TBC1D9: variants seen among roughly 807,000 people sequenced by gnomAD.
The protein encoded by TBC1D9 is TBC1 domain family member 9A.
In TBC1D9, 63 loss-of-function variants were observed where a neutral mutation model predicts 132.0. The ratio of observed to expected loss-of-function variants is 0.48; its 90% confidence interval spans 0.39 to 0.59. The LOEUF (loss-of-function observed/expected upper bound fraction) is 0.59, where lower values mean the gene tolerates loss of function less well. TBC1D9 is among the 20% of genes least tolerant of loss of function. The probability of loss-of-function intolerance (pLI) is 0.00; values close to 1 mark genes in which losing one functional copy is unlikely to be tolerated. For missense variants in TBC1D9, 1,261 were observed against 1,592.7 expected, an observed-to-expected ratio of 0.79 and a Z score of 3.54; for synonymous variants, 610 against 609.9, an observed-to-expected ratio of 1.00 and a Z score of 0.00.
At chr4:140,652,981 T>C (rs1737209966) in intron 13 of TBC1D9, among the ~76,000 whole-genome samples, 1 of 152,182 alleles carries the variant, frequency 6.6e-6, no homozygotes, top group Admixed American at 6.5e-5. Flanking sequence ...CATCCTCTTG[T>C]GCCTTCCAGG....
chr4:140,624,230 A>G lies in TBC1D9; in HGVS notation c.2975-11T>C, dbSNP rs1033200303. ...AATTTGCTCTCTTCCCTACAACCCA[A>G]ATGTCAAGAAATAAGTGCTTACAGG... On this transcript the variant is annotated splice_polypyrimidine_tract_variant and intron_variant, in intron 19 of 20. Coordinates refer to ENST00000442267, the MANE Select transcript of TBC1D9 (RefSeq NM_015130.3). The G allele has an allele frequency of 1.7e-5, 28 of 1,611,138 alleles. No individual in the cohort carries two copies. Among genetic ancestry groups the G allele is most frequent in the Non-Finnish European group, 2.4e-5 (28 of 1,178,328 alleles).
chr4:140,702,645 CA>C (rs1320730983), intron 1 of TBC1D9, among the ~76,000 whole-genome samples: 3 of 152,188 alleles, frequency 2.0e-5, no homozygotes, highest in African/African-American at 2.4e-5. Context: ...AACCTGTCAT[CA>C]GTGCAAATTT....
At chr4:140,695,822 T>C (rs1265997338) in intron 2 of TBC1D9, among the ~76,000 whole-genome samples, 1 of 152,120 alleles carries the variant, frequency 6.6e-6, no homozygotes, top group Non-Finnish European at 1.5e-5. Flanking sequence ...GTACCTATTT[T>C]TACTCCAATG....
chr4:140,643,051 CCTT>C (rs1222965799), intron 13 of TBC1D9: 1 of 1,230,162 alleles, frequency 8.1e-7, no homozygotes, highest in African/African-American at 1.5e-5. Flanking sequence ...ATCCGCTCCT[CCTT>C]CTTGCGCATC....
At chr4:140,711,607 T>C (rs1738244963) in intron 1 of TBC1D9, among the ~76,000 whole-genome samples, 1 of 152,220 alleles carries the variant, frequency 6.6e-6, no homozygotes, top group Admixed American at 6.5e-5. Flanking sequence ...TAATATGAAA[T>C]AGAAATAATT....
rs574288234 is a variant in TBC1D9, at chr4:140,731,503, C to A, written c.130+24413G>T. On this transcript the variant is annotated intron_variant, in intron 1 of 20. Transcript: ENST00000442267. ...GGCCAGGAGTTCGAGACCAGCGTGG[C>A]CAACATAGTGAAAACCTGTCTCTAT... Among the ~76,000 whole-genome samples the A allele has an allele frequency of 2.4e-4, 37 of 152,028 alleles. No individual in the cohort carries two copies. The South Asian group carries it at 2.9e-3, about 12-fold the overall frequency.
chr4:140,743,043 G>A (rs1738785543), intron 1 of TBC1D9, among the ~76,000 whole-genome samples: 1 of 152,044 alleles, frequency 6.6e-6, no homozygotes, highest in Non-Finnish European at 1.5e-5. Context: ...AAGGAGGAAA[G>A]GAAGGAGGGA....
At chr4:140,649,630 C>G (rs77435047) in intron 13 of TBC1D9, among the ~76,000 whole-genome samples, 1 of 152,194 alleles carries the variant, frequency 6.6e-6, no homozygotes, top group African/African-American at 2.4e-5. Flanking sequence ...GAAGGAGCAG[C>G]CCCACACACT....
intron 15 of TBC1D9, 72 bp from the exon 16 acceptor site, chr4:140,634,260 A>T: frequency 6.4e-7 from 1 of 1,565,604 alleles, no homozygotes; most frequent in Non-Finnish European, 8.6e-7. Flanking sequence ...CCCATCCTCC[A>T]GTTTGGAAAG....
chr4:140,631,590 T>G (rs1222618619), intron 16 of TBC1D9, among the ~76,000 whole-genome samples: 1 of 133,238 alleles, frequency 7.5e-6, no homozygotes, highest in Non-Finnish European at 1.6e-5. Context: ...AGAATTCATT[T>G]TTTAGTTTTT....
In TBC1D9 at chr4:140,701,550, G is replaced by A; in HGVS notation, c.195C>T (p.Ile65=). Residue 65 remains isoleucine, a synonymous_variant, in exon 2 of 21, where the codon ATC becomes ATT. Transcript: ENST00000442267. ...DSSARVAPYR[I]LYQTPDSLVY... Reference sequence around the variant, plus strand: ...CCAGGGAGTCTGGAGTCTGGTACAAGATTCGGTAAGGAGCGACCCGGGCGC... The same window carrying A: ...CCAGGGAGTCTGGAGTCTGGTACAAAATTCGGTAAGGAGCGACCCGGGCGC... The A allele has an allele frequency of 6.2e-7, 1 of 1,613,982 alleles. No homozygotes were observed. The highest frequency in any genetic ancestry group is 1.1e-5 in the South Asian group (1 of 91,080).
chr4:140,664,928 G>A (rs532018952), intron 9 of TBC1D9, among the ~76,000 whole-genome samples: 1 of 152,120 alleles, frequency 6.6e-6, no homozygotes, highest in South Asian at 2.1e-4. Context: ...TGAACATGGT[G>A]AAACCCCGTG....
chr4:140,623,875 C>T (rs903353407), intron 20 of TBC1D9, among the ~76,000 whole-genome samples: 4 of 152,134 alleles, frequency 2.6e-5, no homozygotes, highest in Admixed American at 6.5e-5. Flanking sequence ...CAATAAGATG[C>T]ATTTACTCTC....
At chr4:140,639,815 T>G (rs11939165) in intron 13 of TBC1D9, among the ~76,000 whole-genome samples, 100,906 of 152,050 alleles carry the variant, frequency 0.66, 33,733 homozygotes, top group African/African-American at 0.74. Context: ...CCTGTGTGAG[T>G]CTCCCTGCTC....
Position 140,622,262 on chromosome 4 carries a change from T to C in TBC1D9, c.3734A>G (p.Asn1245Ser). The C allele has an allele frequency of 6.2e-7, 1 of 1,607,372 alleles. No individual in the cohort carries two copies. The highest frequency in any genetic ancestry group is 8.5e-7 in the Non-Finnish European group (1 of 1,174,356). The change falls in exon 21 of 21, where the codon AAC (asparagine) becomes AGC (serine). Residue 1245 changes from asparagine to serine, a missense_variant. Asn to Ser is a conservative substitution (Grantham distance 46, BLOSUM62 1). Coordinates refer to ENST00000442267, the MANE Select transcript of TBC1D9 (RefSeq NM_015130.3). ...GAGGGGCTTGCCCATCATCCGGATG[T>C]TTTTTGCACTGGTAATCCTGGCCAT... ...CMMARITSAK[N>S]IRMMGKPLTS...
chr4:140,740,061 A>T, intron 1 of TBC1D9, among the ~76,000 whole-genome samples: 1 of 152,156 alleles, frequency 6.6e-6, no homozygotes, highest in Non-Finnish European at 1.5e-5. Context: ...TTCTGACATC[A>T]CCTCATGGAA....
chr4:140,703,598 TA>T (rs752177380), intron 1 of TBC1D9, among the ~76,000 whole-genome samples: 6 of 152,160 alleles, frequency 3.9e-5, no homozygotes, highest in Non-Finnish European at 8.8e-5. Flanking sequence ...TCAAGAAGCC[TA>T]AGTGAGGTAG....
At chr4:140,748,530 C>T (rs566783119) in intron 1 of TBC1D9, among the ~76,000 whole-genome samples, 4 of 152,206 alleles carry the variant, frequency 2.6e-5, no homozygotes, top group South Asian at 2.1e-4. Flanking sequence ...CACAAATTAT[C>T]TAGATCATAT....
At chr4:140,746,535 G>C (rs906059678) in intron 1 of TBC1D9, among the ~76,000 whole-genome samples, 8 of 152,126 alleles carry the variant, frequency 5.3e-5, no homozygotes, top group African/African-American at 1.9e-4. Context: ...ACATATCTGA[G>C]AGGGGGCAAT....
Sources: allele counts gnomAD v4.1 joint callset (sites outside exome capture counted in the v4.1 genomes callset), GRCh38; gene constraint gnomAD v4.1.1; transcripts MANE v1.5; gene names NCBI Gene and HGNC (gene_info 2026-07-23, HGNC 2026-07-21).